ADCY5: variants seen among roughly 807,000 people sequenced by gnomAD.
ADCY5 encodes adenylate cyclase 5.
ADCY5 carries 30 observed loss-of-function variants against 119.7 expected under a neutral mutation model. The ratio of observed to expected loss-of-function variants is 0.25; its 90% CI spans 0.19 to 0.34. The LOEUF (loss-of-function observed/expected upper bound fraction) is 0.34, where lower values mean the gene tolerates loss of function less well. ADCY5 is among the 10% of genes least tolerant of loss of function. The pLI, the probability that ADCY5 is intolerant of heterozygous loss-of-function variation, is 1.00. For synonymous variants in ADCY5, 753 were observed against 762.2 expected, an observed-to-expected ratio of 0.99 and a Z score of 0.20; for missense variants, 1,324 against 1,775.2, an observed-to-expected ratio of 0.75 and a Z score of 4.57.
In ADCY5 at chr3:123,304,724, A is replaced by G. The variant is rs987410981; in HGVS notation, c.2443-541T>C. Among the ~76,000 whole-genome samples the G allele has an allele frequency of 5.3e-5, 8 of 152,092 alleles. No homozygotes were observed. The East Asian group carries it at 1.4e-3, about 26-fold the overall frequency. ...TGAGCACTGAGTGAGCTCTATCCTT[A>G]GCACCAAGCTCCAAGGACCTGCCAT... On this transcript the variant is annotated intron_variant, in intron 12 of 20. Coordinates refer to ENST00000462833, the MANE Select transcript of ADCY5 (RefSeq NM_183357.3).
chr3:123,319,326 C>T (rs1319286247), intron 10 of ADCY5, among the ~76,000 whole-genome samples: 2 of 147,490 alleles, frequency 1.4e-5, no homozygotes, highest in African/African-American at 2.5e-5. Flanking sequence ...TGGACTCCAG[C>T]CTGGCCAACA....
At chr3:123,373,144 A>G (rs1341421451) in intron 1 of ADCY5, among the ~76,000 whole-genome samples, 2 of 152,244 alleles carry the variant, frequency 1.3e-5, no homozygotes, top group South Asian at 4.1e-4. Flanking sequence ...CCTAGCATGC[A>G]GCAGGTATTC....
chr3:123,317,492 T>C (rs1413575456), intron 11 of ADCY5, among the ~76,000 whole-genome samples: 1 of 151,950 alleles, frequency 6.6e-6, no homozygotes, highest in African/African-American at 2.4e-5. Flanking sequence ...CCTAGCACTT[T>C]GGGAGGCCAA....
chr3:123,331,645 T>A (rs1941766389), intron 4 of ADCY5, among the ~76,000 whole-genome samples: 1 of 151,988 alleles, frequency 6.6e-6, no homozygotes, highest in African/African-American at 2.4e-5. Context: ...CCACCACCAA[T>A]CCGTCAGTGG....
chr3:123,330,889 G>A lies in ADCY5; in HGVS notation c.1646C>T (p.Ser549Leu), dbSNP rs1459977492. The change falls in exon 5 of 21, where the codon TCG becomes TTG. Residue 549 changes from serine to leucine, a missense_variant and splice_region_variant. Physicochemically the swap from Ser to Leu is moderately radical, Grantham distance 145. Transcript: ENST00000462833. ...CGGTACCCGGGGGGTGGACACTTACGAGATGGCCTCGATCATGTCCATGCC... is the reference window on the plus strand; with the variant it reads ...CGGTACCCGGGGGGTGGACACTTACAAGATGGCCTCGATCATGTCCATGCC... Reference protein sequence around the residue: ...EMGMDMIEAISLVREVTGVNV... With the variant: ...EMGMDMIEAILLVREVTGVNV... 1 of 1,609,764 alleles carries A rather than the reference G, an allele frequency of 6.2e-7. No individual in the cohort carries two copies. Among genetic ancestry groups the A allele is most frequent in the Non-Finnish European group, 8.5e-7 (1 of 1,177,912 alleles).
intron 1 of ADCY5, among the ~76,000 whole-genome samples, chr3:123,403,367 C>A (rs1439885376): frequency 7.3e-6 from 1 of 136,208 alleles, no homozygotes; most frequent in Non-Finnish European, 1.5e-5. Context: ...GGCAACAGAG[C>A]GAGACCCTGT....
chr3:123,317,468 C>T (rs1454388388), intron 11 of ADCY5, among the ~76,000 whole-genome samples: 2 of 151,820 alleles, frequency 1.3e-5, no homozygotes, highest in Non-Finnish European at 2.9e-5. Context: ...GGCGTGGTGG[C>T]TCACGCCTGT....
At chr3:123,289,674 TGGGGTATGG>T (rs1360133489) in intron 19 of ADCY5, 67 bp downstream of exon 19, 3 of 1,532,582 alleles carry the variant, frequency 2.0e-6, no homozygotes, top group Non-Finnish European at 2.7e-6. Context: ...GGATGCGGTA[TGGGGTATGG>T]GGGAGCCCCT....
intron 13 of ADCY5, among the ~76,000 whole-genome samples, chr3:123,303,503 G>A (rs941183688): frequency 2.0e-5 from 3 of 152,160 alleles, no homozygotes; most frequent in African/African-American, 7.2e-5. Context: ...AGAATGAAGA[G>A]CTAAGAACTT....
intron 1 of ADCY5, among the ~76,000 whole-genome samples, chr3:123,436,874 C>T (rs562363032): frequency 9.8e-4 from 149 of 152,294 alleles, no homozygotes; most frequent in Non-Finnish European, 1.3e-3. Context: ...CGGAGGTCTG[C>T]ACTTCATATG....
intron 8 of ADCY5, among the ~76,000 whole-genome samples, chr3:123,324,799 G>A (rs945878000): frequency 1.3e-5 from 2 of 152,188 alleles, no homozygotes; most frequent in African/African-American, 4.8e-5. Context: ...TGGCATTAGT[G>A]GGGGGTCTTT....
Position 123,320,775 on chromosome 3 carries a change from G to C in ADCY5, c.2089-4C>G. On this transcript the variant is annotated splice_polypyrimidine_tract_variant and splice_region_variant and intron_variant, in intron 8 of 20. Coordinates refer to ENST00000462833, the MANE Select transcript of ADCY5 (RefSeq NM_183357.3). ...TGTCCTTGGGGTCTTCAAAGCCCTAGAAGAGAAGGATAGAAAGAGAAAGAG... is the reference window on the plus strand; with the variant it reads ...TGTCCTTGGGGTCTTCAAAGCCCTACAAGAGAAGGATAGAAAGAGAAAGAG... The C allele has an allele frequency of 6.3e-7, 1 of 1,598,912 alleles. No individual in the cohort carries two copies. Among genetic ancestry groups the C allele is most frequent in the East Asian group, 2.2e-5 (1 of 44,788 alleles).
chr3:123,299,982 C>T, intron 15 of ADCY5, 138 bp downstream of exon 15: 1 of 952,614 alleles, frequency 1.0e-6, no homozygotes, highest in Non-Finnish European at 1.5e-6. Context: ...AGGCCGTTTT[C>T]CAGATGTCAG....
At chr3:123,330,469 G>A (rs573190394) in intron 5 of ADCY5, among the ~76,000 whole-genome samples, 2 of 152,332 alleles carry the variant, frequency 1.3e-5, no homozygotes, top group South Asian at 4.1e-4. Context: ...GCACCCTGGG[G>A]AGTTGTCTAA....
chr3:123,444,552 C>T (rs1371793986), intron 1 of ADCY5, among the ~76,000 whole-genome samples: 3 of 152,120 alleles, frequency 2.0e-5, no homozygotes, highest in South Asian at 4.2e-4. Context: ...GGCTGTGGCA[C>T]CTTGTGTCCT....
rs530463110 is a variant in ADCY5, at chr3:123,364,269, C to T, written c.1135-11688G>A. Among the ~76,000 whole-genome samples, 6 of 152,132 alleles carry T rather than the reference C, an allele frequency of 3.9e-5. No individual in the cohort carries two copies. The East Asian group carries it at 9.6e-4, about 24-fold the overall frequency. ...AAAGTACATGCTTGTGCTATGAGCA[C>T]GGCTGGCTGAAGAATCTTCTCTTCT... is the stretch of plus-strand genomic sequence containing the variant. On this transcript the variant is annotated intron_variant, in intron 1 of 20. Coordinates refer to ENST00000462833, the MANE Select transcript of ADCY5 (RefSeq NM_183357.3).
rs148863272 is a variant in ADCY5 at position 123,447,514 on chromosome 3, G to A, written c.1032C>T (p.Pro344=). Residue 344 remains proline, a synonymous_variant, in exon 1 of 21, where the codon CCC becomes CCT. Coordinates refer to ENST00000462833, the MANE Select transcript of ADCY5 (RefSeq NM_183357.3). ...FFIYTIYTLL[P]VRMRAAVLSG... ...TGAGCACTGCGGCCCGCATGCGCAC[G>A]GGCAGCAGCGTGTAGATGGTGTAGA... The A allele has an allele frequency of 9.3e-6, 15 of 1,611,388 alleles. No homozygotes were observed. The highest frequency in any genetic ancestry group is 2.2e-5 in the East Asian group (1 of 44,840).
chr3:123,408,356 T>G (rs890668183), intron 1 of ADCY5, among the ~76,000 whole-genome samples: 6 of 151,868 alleles, frequency 4.0e-5, no homozygotes, highest in African/African-American at 1.4e-4. Context: ...TTTTTTTTTT[T>G]TTTTTTAAAG....
intron 16 of ADCY5, among the ~76,000 whole-genome samples, chr3:123,296,770 G>A (rs1237438210): frequency 6.6e-6 from 1 of 152,194 alleles, no homozygotes; most frequent in Non-Finnish European, 1.5e-5. Flanking sequence ...CCAACAGTAG[G>A]TGCTGCAAAC....
Sources: allele counts gnomAD v4.1 joint callset (sites outside exome capture counted in the v4.1 genomes callset), GRCh38; gene constraint gnomAD v4.1.1; transcripts MANE v1.5; gene names NCBI Gene and HGNC (gene_info 2026-07-23, HGNC 2026-07-21).